SPAG6: variants seen among roughly 807,000 people sequenced by gnomAD.
SPAG6 encodes the protein sperm associated antigen 6.
Under a neutral mutation model 58.5 loss-of-function variants are expected in SPAG6, and 49 were observed. The observed-to-expected ratio is 0.84, with a 90% CI of 0.67 to 1.06. SPAG6 has a LOEUF of 1.06. Among genes scored for constraint, SPAG6 ranks in the 50% least tolerant of loss-of-function variants. SPAG6 has a pLI of 0.00. For synonymous variants in SPAG6, 233 were observed against 225.6 expected, an observed-to-expected ratio of 1.03 and a Z score of -0.29; for missense variants, 560 against 611.3, an observed-to-expected ratio of 0.92 and a Z score of 0.89.
rs752827981 is a variant in SPAG6, at chr10:22,364,951, G to A, written c.220G>A (p.Asp74Asn). ...ALGRLANYNDDLAEAVVKCDI... is the reference protein window; with the variant it reads ...ALGRLANYNDNLAEAVVKCDI... Reference sequence around the variant, plus strand: ...TGGGAGACTGGCCAATTATAATGATGACCTAGCAGAAGCTGTTGTGAAGTG... The same window carrying A: ...TGGGAGACTGGCCAATTATAATGATAACCTAGCAGAAGCTGTTGTGAAGTG... Residue 74 changes from aspartate to asparagine, a missense_variant, in exon 3 of 11, where the codon GAC (aspartate) becomes AAC (asparagine). Asp to Asn is a conservative substitution (Grantham distance 23). Coordinates refer to ENST00000376624, the MANE Select transcript of SPAG6 (RefSeq NM_012443.4). The A allele has an allele frequency of 3.5e-5, 57 of 1,613,182 alleles. No individual in the cohort carries two copies. Among genetic ancestry groups the A allele is most frequent in the Non-Finnish European group, 4.8e-5 (57 of 1,179,508 alleles).
intron 10 of SPAG6, among the ~76,000 whole-genome samples, chr10:22,413,401 C>T (rs113252295): frequency 1.3e-5 from 2 of 151,846 alleles, no homozygotes; most frequent in East Asian, 1.9e-4. Flanking sequence ...GGCATGGTGG[C>T]GGGCGCCTGT....
At position 22,413,820 on chromosome 10, in the gene SPAG6, C is replaced by T. The variant is rs182135781; in HGVS notation, c.1460+2644C>T. ...AATGTTGTCTTTCTATAAAAATAGA[C>T]AAATATAATCTCAAAATAGTTTCAT... On this transcript the variant is annotated intron_variant, in intron 10 of 10. Coordinates refer to ENST00000376624, the MANE Select transcript of SPAG6 (RefSeq NM_012443.4). Among the ~76,000 whole-genome samples, 362 of 151,960 alleles carry T rather than the reference C, an allele frequency of 2.4e-3. 6 individuals carry two copies. The highest frequency in any genetic ancestry group is 0.021 in the Admixed American group (318 of 15,268).
chr10:22,412,559 A>G, intron 10 of SPAG6: 1 of 1,037,402 alleles, frequency 9.6e-7, no homozygotes, highest in Non-Finnish European at 1.4e-6. Context: ...TGATACATCA[A>G]AGCAGTGATA....
chr10:22,393,570 A>G (rs1304713975), intron 8 of SPAG6, among the ~76,000 whole-genome samples: 1 of 152,216 alleles, frequency 6.6e-6, no homozygotes, highest in East Asian at 1.9e-4. Flanking sequence ...TTTTAGGTTA[A>G]CTAATAGAAA....
At chr10:22,394,460 T>C (rs1834247870) in intron 8 of SPAG6, among the ~76,000 whole-genome samples, 2 of 152,214 alleles carry the variant, frequency 1.3e-5, no homozygotes, top group Non-Finnish European at 1.5e-5. Flanking sequence ...AGCAGCTTTA[T>C]TGAGCTATAG....
chr10:22,413,066 C>CAAAAAAAAAAAAAAAAAAA (rs775680159), intron 10 of SPAG6: 5 of 43,312 alleles, frequency 1.2e-4, no homozygotes, highest in Middle Eastern at 0.015. Context: ...CAGAAAGATG[C>CAAAAAAAAAAAAAAAAAAA]AAAAAAAAAA....
In SPAG6 at chr10:22,382,075, G is replaced by A. The variant is rs543556180; in HGVS notation, c.473-4679G>A. Among the ~76,000 whole-genome samples the A allele has an allele frequency of 1.1e-4, 16 of 152,300 alleles. No homozygotes were observed. The East Asian group carries it at 2.9e-3, about 28-fold the overall frequency. On this transcript the variant is annotated intron_variant, in intron 4 of 10. Coordinates refer to ENST00000376624, the MANE Select transcript of SPAG6 (RefSeq NM_012443.4). Reference sequence around the variant, plus strand: ...AAAATGCAACTGTGTGAGAAGCAAAGTCTTGTCACCCCAAGTTTTTACGGA... The same window carrying A: ...AAAATGCAACTGTGTGAGAAGCAAAATCTTGTCACCCCAAGTTTTTACGGA...
intron 4 of SPAG6, among the ~76,000 whole-genome samples, chr10:22,373,932 A>G (rs1042568884): frequency 1.3e-5 from 2 of 152,188 alleles, no homozygotes; most frequent in Non-Finnish European, 2.9e-5. Context: ...TAGAGGCCAA[A>G]TGTGCTAAAC....
At chr10:22,415,317 T>C (rs1166394458) in intron 10 of SPAG6, among the ~76,000 whole-genome samples, 1 of 151,622 alleles carries the variant, frequency 6.6e-6, no homozygotes, top group Non-Finnish European at 1.5e-5. Flanking sequence ...GGTTAAAATT[T>C]TAAAGATATT....
intron 8 of SPAG6, among the ~76,000 whole-genome samples, chr10:22,396,843 G>A (rs2132096406): frequency 6.6e-6 from 1 of 152,252 alleles, no homozygotes; most frequent in African/African-American, 2.4e-5. Flanking sequence ...AGGTAAACCA[G>A]GCCCAAACCC....
intron 10 of SPAG6, among the ~76,000 whole-genome samples, chr10:22,413,534 CAA>C (rs879796354): frequency 7.6e-6 from 1 of 132,298 alleles, no homozygotes; most frequent in Non-Finnish European, 1.6e-5. Flanking sequence ...CTCCGTCTCA[CAA>C]AAAAAAAAAA....
intron 2 of SPAG6, among the ~76,000 whole-genome samples, chr10:22,356,957 A>G (rs563781321): frequency 6.6e-6 from 1 of 152,256 alleles, no homozygotes; most frequent in South Asian, 2.1e-4. Context: ...CGTTTATTGG[A>G]TACTTCAGGA....
intron 8 of SPAG6, among the ~76,000 whole-genome samples, chr10:22,397,733 C>G (rs1412688627): frequency 6.6e-6 from 1 of 152,074 alleles, no homozygotes; most frequent in Non-Finnish European, 1.5e-5. Flanking sequence ...AAGTTTAAGA[C>G]TAGTACACTG....
chr10:22,415,817 T>A (rs1834854063), intron 10 of SPAG6, among the ~76,000 whole-genome samples: 1 of 152,178 alleles, frequency 6.6e-6, no homozygotes, highest in Non-Finnish European at 1.5e-5. Flanking sequence ...TTTTGAATTA[T>A]ACTTCCATAG....
In SPAG6 at chr10:22,386,931, T is replaced by C. The variant is rs1834078758; in HGVS notation, c.650T>C (p.Met217Thr). 1 of 1,613,650 alleles carries C rather than the reference T, an allele frequency of 6.2e-7. No homozygotes were observed. The highest frequency in any genetic ancestry group is 8.5e-7 in the Non-Finnish European group (1 of 1,179,718). Residue 217 changes from methionine to threonine, a missense_variant, in exon 5 of 11, where the codon ATG (methionine) becomes ACG (threonine). Met to Thr is a moderately conservative substitution (Grantham distance 81). Transcript: ENST00000376624. ...GGAGCTGTTGCTCATTTAGCCCAGA[T>C]GATCCTGAACCCTGATGCTAAATTG... ...DAGAVAHLAQ[M>T]ILNPDAKLKH...
At chr10:22,414,211 A>G (rs7086239) in intron 10 of SPAG6, among the ~76,000 whole-genome samples, 1 of 152,142 alleles carries the variant, frequency 6.6e-6, no homozygotes, top group East Asian at 1.9e-4. Flanking sequence ...ATTCAGCATA[A>G]TTCTGGTATC....
chr10:22,406,700 T>A (rs1357203071), intron 9 of SPAG6, among the ~76,000 whole-genome samples: 3 of 152,228 alleles, frequency 2.0e-5, no homozygotes, highest in Non-Finnish European at 4.4e-5. Flanking sequence ...CCTTGTTTAC[T>A]TTCTGTCTCG....
At chr10:22,412,020 T>A (rs1012890393) in intron 10 of SPAG6, among the ~76,000 whole-genome samples, 5 of 152,026 alleles carry the variant, frequency 3.3e-5, no homozygotes, top group African/African-American at 1.2e-4. Flanking sequence ...AGCTAATTTT[T>A]TTGTATTTTT....
At chr10:22,407,899 T>C (rs940146805) in intron 9 of SPAG6, among the ~76,000 whole-genome samples, 3 of 151,126 alleles carry the variant, frequency 2.0e-5, no homozygotes, top group Admixed American at 1.3e-4. Context: ...CATCTTCCAT[T>C]GCTGATACCC....
Sources: allele counts gnomAD v4.1 joint callset (sites outside exome capture counted in the v4.1 genomes callset), GRCh38; gene constraint gnomAD v4.1.1; transcripts MANE v1.5; gene names NCBI Gene and HGNC (gene_info 2026-07-23, HGNC 2026-07-21).